The following SIL1 variants were observed in gnomAD, a reference collection of about 807,000 sequenced individuals.
SIL1 encodes nucleotide exchange factor SIL1.
SIL1 carries 40 observed loss-of-function variants against 49.1 expected under a neutral mutation model. The observed-to-expected ratio is 0.81, with a 90% confidence interval of 0.63 to 1.06. The LOEUF (loss-of-function observed/expected upper bound fraction) is 1.06. SIL1 is among the 50% of genes least tolerant of loss of function. The pLI, the probability that SIL1 is intolerant of heterozygous loss-of-function variation, is 0.00. For synonymous variants in SIL1, 253 were observed against 250.8 expected, an observed-to-expected ratio of 1.01 and a Z score of -0.08; for missense variants, 500 against 572.6, an observed-to-expected ratio of 0.87 and a Z score of 1.29.
At chr5:139,001,081 TG>T (rs149659306) in intron 7 of SIL1, among the ~76,000 whole-genome samples, 12 of 151,320 alleles carry the variant, frequency 7.9e-5, no homozygotes, top group South Asian at 2.1e-4. Flanking sequence ...TCTGTGTGTG[TG>T]GGGGGGGAAA....
chr5:139,009,542 A>T (rs1768202422), intron 7 of SIL1, among the ~76,000 whole-genome samples: 3 of 120,590 alleles, frequency 2.5e-5, no homozygotes, highest in African/African-American at 6.3e-5. Context: ...TAGTTGATGC[A>T]GTTTCTTCCT....
chr5:138,948,776 G>A lies in SIL1; in HGVS notation c.1030-1303C>T, dbSNP rs968010943. 6.6e-6 allele frequency among the ~76,000 whole-genome samples: 1 copy of A among 152,216 alleles called. No individual in the cohort carries two copies. Among genetic ancestry groups the A allele is most frequent in the African/African-American group, 2.4e-5 (1 of 41,452 alleles). The stretch of plus-strand genomic sequence containing the variant: ...CAAGTGTTGGAAGCTTAATTCCCAA[G>A]GCAGCAGTATTGAGAGGAGCTGCCT... On this transcript the variant is annotated intron_variant, in intron 9 of 9. Transcript: ENST00000394817. The surrounding 1 kb of genome is among the most constrained non-coding windows in gnomAD (Gnocchi z 4.8).
chr5:139,157,210 A>G (rs1990930), intron 1 of SIL1, among the ~76,000 whole-genome samples: 60,274 of 152,106 alleles, frequency 0.4, 12,990 homozygotes, highest in South Asian at 0.51. Flanking sequence ...TCTATCATCC[A>G]CAAGAGGAAG....
chr5:139,142,660 A>T (rs1041960641), intron 1 of SIL1, among the ~76,000 whole-genome samples: 8 of 152,246 alleles, frequency 5.3e-5, no homozygotes, highest in Non-Finnish European at 7.3e-5. Context: ...TAAAAGGCAT[A>T]TATGAAAAAC....
At chr5:139,129,136 G>C (rs1750811851) in intron 1 of SIL1, among the ~76,000 whole-genome samples, 1 of 152,168 alleles carries the variant, frequency 6.6e-6, no homozygotes, top group Non-Finnish European at 1.5e-5. Context: ...AACAGAGTGA[G>C]TACCCATCTA....
intron 1 of SIL1, among the ~76,000 whole-genome samples, chr5:139,165,683 G>A (rs971613986): frequency 4.0e-5 from 6 of 150,852 alleles, no homozygotes; most frequent in Non-Finnish European, 7.4e-5. Context: ...TTTTGAGACG[G>A]GGTCTCACCC....
chr5:139,042,648 G>A lies in SIL1; in HGVS notation c.425C>T (p.Ala142Val). The change falls in exon 5 of 10, where the codon GCA becomes GTA. Residue 142 changes from alanine (A) to valine (V), a missense_variant. Coordinates refer to ENST00000394817, the MANE Select transcript of SIL1 (RefSeq NM_022464.5). The stretch of plus-strand genomic sequence containing the variant: ...GTCTTCCTTTGAACTCTCCATCTCT[G>A]CCCCCTCCTTGAATTTTGCCAGTGC... ...KSALAKFKEGAEMESSKEDKA... is the reference protein window; with the variant it reads ...KSALAKFKEGVEMESSKEDKA... 3.1e-6 allele frequency: 5 copies of A among 1,614,040 alleles called. No individual in the cohort carries two copies. The highest frequency in any genetic ancestry group is 4.2e-6 in the Non-Finnish European group (5 of 1,180,010).
At chr5:139,164,654 T>C (rs1333195879) in intron 1 of SIL1, among the ~76,000 whole-genome samples, 2 of 152,144 alleles carry the variant, frequency 1.3e-5, no homozygotes, top group Non-Finnish European at 1.5e-5. Flanking sequence ...CTAACTGCCC[T>C]AGGAGGTGGG....
intron 1 of SIL1, among the ~76,000 whole-genome samples, chr5:139,179,721 G>A (rs1016004766): frequency 3.9e-5 from 6 of 152,156 alleles, no homozygotes; most frequent in South Asian, 2.1e-4. Flanking sequence ...GATGCTCAGC[G>A]AGGTTAAGCA....
intron 7 of SIL1, among the ~76,000 whole-genome samples, chr5:138,972,081 G>A (rs187623000): frequency 2.0e-5 from 3 of 152,246 alleles, no homozygotes; most frequent in East Asian, 1.9e-4. Flanking sequence ...AGGAGGCCTC[G>A]TTGTTCCAAG....
At chr5:139,040,520 C>T (rs1769023548) in intron 5 of SIL1, among the ~76,000 whole-genome samples, 1 of 96,506 alleles carries the variant, frequency 1.0e-5, no homozygotes, top group Non-Finnish European at 1.9e-5. Flanking sequence ...TTTTTTGAGA[C>T]AGAGTTTCTC....
intron 1 of SIL1, among the ~76,000 whole-genome samples, chr5:139,179,696 C>T (rs1403558648): frequency 6.6e-6 from 1 of 152,148 alleles, no homozygotes; most frequent in Admixed American, 6.5e-5. Flanking sequence ...TAAGCACATA[C>T]ACAGATAGGT....
chr5:139,174,024 G>A (rs1441277881), intron 1 of SIL1, among the ~76,000 whole-genome samples: 4 of 148,114 alleles, frequency 2.7e-5, no homozygotes, highest in African/African-American at 7.4e-5. Flanking sequence ...TACAATTTAA[G>A]GAACTGAAAA....
rs113367652 is a variant in SIL1 at position 139,186,961 on chromosome 5, G to C, written c.-11+11308C>G. Among the ~76,000 whole-genome samples, 715 of 152,250 alleles carry C rather than the reference G, an allele frequency of 4.7e-3. 1 individual carries two copies. Among genetic ancestry groups the C allele is most frequent in the African/African-American group, 0.016 (681 of 41,548 alleles). The stretch of plus-strand genomic sequence containing the variant: ...AATCAAGAAATGCTTCAGGGAAGTA[G>C]GATTTCAACAGGATTGTTATCATTT... On this transcript the variant is annotated intron_variant, in intron 1 of 9. Transcript: ENST00000394817.
chr5:139,081,424 A>G (rs1187421889), intron 3 of SIL1, among the ~76,000 whole-genome samples: 1 of 152,158 alleles, frequency 6.6e-6, no homozygotes, highest in Admixed American at 6.5e-5. Context: ...CCAGCTAACA[A>G]TATAAATTTT....
intron 3 of SIL1, chr5:139,108,033 A>G (rs917840700): frequency 6.6e-6 from 1 of 152,218 alleles, no homozygotes; most frequent in Non-Finnish European, 1.5e-5. Flanking sequence ...GGCAGCAACA[A>G]TCAAATGCCA....
chr5:139,175,441 T>C (rs919632979), intron 1 of SIL1, among the ~76,000 whole-genome samples: 19 of 152,074 alleles, frequency 1.2e-4, no homozygotes, highest in Non-Finnish European at 2.2e-4. Flanking sequence ...CACAAACAAA[T>C]AGAAATTCTG....
At chr5:139,045,809 C>T (rs1769146939) in intron 4 of SIL1, among the ~76,000 whole-genome samples, 6 of 152,142 alleles carry the variant, frequency 3.9e-5, no homozygotes, top group Admixed American at 3.9e-4. Flanking sequence ...TGTGCCCCTC[C>T]CTGCACCTTC....
At chr5:139,061,117 G>A (rs977815832) in intron 3 of SIL1, among the ~76,000 whole-genome samples, 1 of 152,226 alleles carries the variant, frequency 6.6e-6, no homozygotes, top group Non-Finnish European at 1.5e-5. Flanking sequence ...TGAAATGATA[G>A]TTTTACCTAT....
Sources: allele counts gnomAD v4.1 joint callset (sites outside exome capture counted in the v4.1 genomes callset), GRCh38; gene constraint gnomAD v4.1.1; non-coding constraint Gnocchi (gnomAD v3.1); transcripts MANE v1.5; gene names NCBI Gene and HGNC (gene_info 2026-07-23, HGNC 2026-07-21).